GOLIM4: variants seen among roughly 807,000 people sequenced by gnomAD.
GOLIM4 encodes golgi integral membrane protein 4.
GOLIM4 carries 71 observed loss-of-function variants against 107.4 expected under a neutral mutation model. The ratio of observed to expected loss-of-function variants is 0.66; its 90% CI spans 0.55 to 0.81. GOLIM4 has a LOEUF of 0.81. GOLIM4 is among the 30% of genes least tolerant of loss of function. GOLIM4 has a pLI of 0.00. For synonymous variants in GOLIM4, 327 were observed against 294.8 expected, an observed-to-expected ratio of 1.11 and a Z score of -1.12; for missense variants, 830 against 826.1, an observed-to-expected ratio of 1.00 and a Z score of -0.06.
At chr3:168,074,832 T>C (rs1263082540) in intron 1 of GOLIM4, among the ~76,000 whole-genome samples, 2 of 152,152 alleles carry the variant, frequency 1.3e-5, no homozygotes, top group Non-Finnish European at 2.9e-5. Context: ...ATGAAAAACT[T>C]ATCCATGTGG....
chr3:168,086,951 G>A (rs992345965), intron 1 of GOLIM4, among the ~76,000 whole-genome samples: 2 of 152,122 alleles, frequency 1.3e-5, no homozygotes, highest in Non-Finnish European at 1.5e-5. Context: ...CAGAGTATGT[G>A]GGCTCTCAGC....
intron 1 of GOLIM4, among the ~76,000 whole-genome samples, chr3:168,088,783 C>T (rs74678657): frequency 5.1e-4 from 78 of 152,322 alleles, no homozygotes; most frequent in African/African-American, 1.8e-3. Flanking sequence ...ATTTCCCCAA[C>T]TCCAATTCAC....
intron 1 of GOLIM4, among the ~76,000 whole-genome samples, chr3:168,057,225 CCAG>C (rs1720027104): frequency 1.3e-5 from 2 of 152,176 alleles, no homozygotes; most frequent in Non-Finnish European, 2.9e-5. Flanking sequence ...TGAGGACTTC[CCAG>C]ACTTGTGGAA....
At chr3:168,077,357 C>T (rs569675311) in intron 1 of GOLIM4, among the ~76,000 whole-genome samples, 3 of 152,132 alleles carry the variant, frequency 2.0e-5, no homozygotes, top group Non-Finnish European at 4.4e-5. Context: ...TTAACACTTG[C>T]CCTTTTGTGG....
At chr3:168,021,430 C>T (rs755416182) in intron 14 of GOLIM4, among the ~76,000 whole-genome samples, 4 of 152,130 alleles carry the variant, frequency 2.6e-5, no homozygotes, top group Non-Finnish European at 5.9e-5. Context: ...CTTTGGGAGG[C>T]AGAGGTGGGA....
At chr3:168,079,922 A>G (rs963009999) in intron 1 of GOLIM4, among the ~76,000 whole-genome samples, 3 of 152,180 alleles carry the variant, frequency 2.0e-5, no homozygotes, top group African/African-American at 7.2e-5. Context: ...AGTCACTTAA[A>G]GTAAAAAAAA....
At chr3:168,059,142 A>G (rs748697798) in intron 1 of GOLIM4, among the ~76,000 whole-genome samples, 1 of 152,198 alleles carries the variant, frequency 6.6e-6, no homozygotes, top group Non-Finnish European at 1.5e-5. Context: ...AACCTAAAAG[A>G]CATCTAATTT....
At chr3:168,027,550 T>C (rs942786076) in intron 12 of GOLIM4, among the ~76,000 whole-genome samples, 178 bp downstream of exon 12, 2 of 152,092 alleles carry the variant, frequency 1.3e-5, no homozygotes, top group Admixed American at 6.5e-5. Context: ...CACATACACG[T>C]ACACCATGGT....
intron 14 of GOLIM4, among the ~76,000 whole-genome samples, chr3:168,013,283 G>C (rs1353574183): frequency 6.6e-6 from 1 of 151,816 alleles, no homozygotes; most frequent in Non-Finnish European, 1.5e-5. Context: ...AAGATCAAAA[G>C]AGACAAAGAA....
intron 1 of GOLIM4, among the ~76,000 whole-genome samples, chr3:168,070,738 C>A (rs1720792507): frequency 6.6e-6 from 1 of 152,138 alleles, no homozygotes; most frequent in Non-Finnish European, 1.5e-5. Flanking sequence ...ATATTAAATT[C>A]TGTGAACTTT....
chr3:168,032,770 T>C lies in GOLIM4; in HGVS notation c.926A>G (p.His309Arg). The change falls in exon 9 of 16, where the codon CAT becomes CGT. Residue 309 changes from histidine (H) to arginine (R), a missense_variant. By Grantham distance (29) the His-to-Arg change is conservative. Transcript: ENST00000470487. ...GGGAGCCTGAAATTCTGCCTCCTTA[T>C]GGGTGGGAGCATAGAGTTTTGTGTC... ...AEDTKLYAPT[H>R]KEAEFQAPPE... 6.2e-7 allele frequency: 1 copy of C among 1,614,042 alleles called. No individual in the cohort carries two copies. The highest frequency in any genetic ancestry group is 8.5e-7 in the Non-Finnish European group (1 of 1,179,934).
intron 1 of GOLIM4, among the ~76,000 whole-genome samples, chr3:168,087,106 C>A (rs930018446): frequency 1.3e-5 from 2 of 152,150 alleles, no homozygotes; most frequent in East Asian, 3.9e-4. Context: ...GTTCTTACTA[C>A]ACTCATGCAA....
At chr3:168,079,254 A>G (rs9845657) in intron 1 of GOLIM4, among the ~76,000 whole-genome samples, 74,226 of 151,626 alleles carry the variant, frequency 0.49, 19,207 homozygotes, top group African/African-American at 0.62. Flanking sequence ...AATAGAAATG[A>G]GCAATCTACA....
intron 1 of GOLIM4, among the ~76,000 whole-genome samples, chr3:168,079,851 C>G (rs535384435): frequency 6.6e-6 from 1 of 152,048 alleles, no homozygotes; most frequent in South Asian, 2.1e-4. Context: ...AAATCAAACA[C>G]AATGTCATTT....
chr3:168,086,510 T>G (rs576337886), intron 1 of GOLIM4, among the ~76,000 whole-genome samples: 37 of 152,292 alleles, frequency 2.4e-4, no homozygotes, highest in African/African-American at 8.4e-4. Flanking sequence ...ATGATTATAA[T>G]TTTTTTAACT....
At chr3:168,070,488 A>C (rs920855264) in intron 1 of GOLIM4, among the ~76,000 whole-genome samples, 1 of 152,252 alleles carries the variant, frequency 6.6e-6, no homozygotes, top group Non-Finnish European at 1.5e-5. Flanking sequence ...TAGTTTCTTC[A>C]TCTTCCTGAG....
rs1577588884 is a variant in GOLIM4, at chr3:168,095,508, T to C, written c.-223A>G. On this transcript the variant is annotated 5_prime_UTR_variant, in exon 1 of 16. Coordinates refer to ENST00000470487, the MANE Select transcript of GOLIM4 (RefSeq NM_014498.5). ...GCCCGGGCAGCTGCAGCCAAACTTC[T>C]GCGAGGCTCGTTCTCCGCGAATGCC... 2.0e-6 allele frequency: 1 copy of C among 503,532 alleles called. No homozygotes were observed. Among genetic ancestry groups the C allele is most frequent in the Non-Finnish European group, 3.5e-6 (1 of 286,964 alleles). The allele number at this position is 503,532 out of a possible 1,614,324, so 31.2% of individuals were successfully genotyped here.
chr3:168,017,115 T>C (rs1032209347), intron 14 of GOLIM4, among the ~76,000 whole-genome samples: 6 of 152,210 alleles, frequency 3.9e-5, no homozygotes, highest in African/African-American at 7.2e-5. Context: ...TGTAGGACTT[T>C]TCTGTTTGAA....
At position 168,024,692 on chromosome 3, in the gene GOLIM4, G is replaced by C; in HGVS notation, c.1792-98C>G. 5 of 1,048,556 alleles carry C rather than the reference G, an allele frequency of 4.8e-6. No individual in the cohort carries two copies. The South Asian group carries it at 5.2e-5, about 11-fold the overall frequency. 65.0% of individuals were successfully genotyped at this position (1,048,556 alleles called of 1,614,324 possible). On this transcript the variant is annotated intron_variant, in intron 13 of 15. Coordinates refer to ENST00000470487, the MANE Select transcript of GOLIM4 (RefSeq NM_014498.5). ...AGAACAAGCATGCCACCATGAAAAG[G>C]GCACTTTCAAAGCGTCTGTGGCCAG...
Sources: allele counts gnomAD v4.1 joint callset (sites outside exome capture counted in the v4.1 genomes callset), GRCh38; gene constraint gnomAD v4.1.1; transcripts MANE v1.5; gene names NCBI Gene and HGNC (gene_info 2026-07-23, HGNC 2026-07-21).